The following KCNH5 variants were observed in gnomAD, a reference collection of about 807,000 sequenced individuals.
The protein encoded by KCNH5 is potassium voltage-gated channel subfamily H member 5.
A neutral mutation model predicts 96.1 loss-of-function variants in KCNH5; 46 were observed. The ratio of observed to expected loss-of-function variants is 0.48; its 90% CI spans 0.38 to 0.61. The LOEUF (loss-of-function observed/expected upper bound fraction) is 0.61. Among genes scored for constraint, KCNH5 ranks in the 20% least tolerant of loss-of-function variants. KCNH5 has a pLI of 0.00. For synonymous variants in KCNH5, 439 were observed against 449.8 expected (o/e 0.98, Z 0.30); for missense variants, 907 against 1,225.8 (o/e 0.74, Z 3.88).
intron 9 of KCNH5, among the ~76,000 whole-genome samples, chr14:62,798,519 C>T (rs184907990): frequency 6.6e-5 from 10 of 151,992 alleles, no homozygotes; most frequent in African/African-American, 2.4e-4. Flanking sequence ...GTATGCATCA[C>T]GAACTTAATT....
chr14:63,003,483 T>TTATATATATTA, intron 3 of KCNH5, among the ~76,000 whole-genome samples: 1 of 127,036 alleles, frequency 7.9e-6, no homozygotes, highest in Admixed American at 9.0e-5. Context: ...TATATATATT[T>TTATATATATTA]TATATATATT....
intron 7 of KCNH5, among the ~76,000 whole-genome samples, chr14:62,890,804 T>C (rs960083023): frequency 2.0e-5 from 3 of 151,720 alleles, no homozygotes; most frequent in African/African-American, 7.3e-5. Context: ...TCAGTATCAC[T>C]GATCATTAGA....
At chr14:63,038,314 A>G (rs962336987) in intron 1 of KCNH5, among the ~76,000 whole-genome samples, 7 of 152,170 alleles carry the variant, frequency 4.6e-5, no homozygotes, top group Non-Finnish European at 1.5e-5. Flanking sequence ...TCTTTTTAAG[A>G]TATGACCCAT....
intron 2 of KCNH5, among the ~76,000 whole-genome samples, chr14:63,009,273 G>A (rs1366334913): frequency 1.3e-5 from 2 of 151,994 alleles, no homozygotes; most frequent in Non-Finnish European, 2.9e-5. Context: ...TAACACCAAC[G>A]AAGAAAAAAT....
intron 7 of KCNH5, among the ~76,000 whole-genome samples, chr14:62,852,840 T>G (rs1595655473): frequency 6.6e-6 from 1 of 152,148 alleles, no homozygotes; most frequent in South Asian, 2.1e-4. Context: ...GGGCACATCT[T>G]TAATGAGAGA....
At chr14:62,933,138 G>C (rs1889611935) in intron 7 of KCNH5, among the ~76,000 whole-genome samples, 1 of 152,104 alleles carries the variant, frequency 6.6e-6, no homozygotes, top group Admixed American at 6.6e-5. Flanking sequence ...CTCAAAGAAA[G>C]AGCCCTCCAG....
intron 9 of KCNH5, among the ~76,000 whole-genome samples, chr14:62,799,726 T>TATATATATATATATACACAC (rs1213484157): frequency 1.5e-5 from 1 of 68,664 alleles, no homozygotes; most frequent in African/African-American, 5.0e-5. Context: ...TATATATATA[T>TATATATATATATATACACAC]ACACACACAC....
chr14:62,884,723 A>C (rs1465451113), intron 7 of KCNH5, among the ~76,000 whole-genome samples: 1 of 152,258 alleles, frequency 6.6e-6, no homozygotes, highest in Non-Finnish European at 1.5e-5. Context: ...CTGTTAAAAA[A>C]AGAAGGCAAA....
chr14:62,725,925 A>C (rs756825136), intron 10 of KCNH5, among the ~76,000 whole-genome samples: 2 of 152,226 alleles, frequency 1.3e-5, no homozygotes, highest in Non-Finnish European at 2.9e-5. Context: ...ACAGTAATTG[A>C]GATAGTGTGA....
At chr14:63,005,790 T>G (rs760420882) in intron 3 of KCNH5, among the ~76,000 whole-genome samples, 3 of 152,158 alleles carry the variant, frequency 2.0e-5, no homozygotes, top group African/African-American at 7.2e-5. Flanking sequence ...CCTTACCACA[T>G]ACAAATCTCA....
intron 7 of KCNH5, among the ~76,000 whole-genome samples, chr14:62,904,341 T>C (rs927134704): frequency 6.6e-6 from 1 of 152,226 alleles, no homozygotes; most frequent in African/African-American, 2.4e-5. Context: ...ACTACCTCAC[T>C]TGTATGCTAC....
chr14:62,827,033 A>T (rs1046959246), intron 8 of KCNH5, among the ~76,000 whole-genome samples: 1 of 152,178 alleles, frequency 6.6e-6, no homozygotes, highest in African/African-American at 2.4e-5. Flanking sequence ...AGGTGCCCAC[A>T]CTATATCTTC....
intron 7 of KCNH5, among the ~76,000 whole-genome samples, chr14:62,941,850 T>C (rs1015467078): frequency 2.0e-5 from 3 of 152,156 alleles, no homozygotes; most frequent in Admixed American, 2.0e-4. Context: ...TGTCTGGATA[T>C]CCACCTAGGT....
At chr14:62,847,048 C>T (rs1887712781) in intron 8 of KCNH5, among the ~76,000 whole-genome samples, 1 of 149,216 alleles carries the variant, frequency 6.7e-6, no homozygotes, top group South Asian at 2.1e-4. Context: ...GATCCGCCCA[C>T]CTCGGCCTCC....
intron 10 of KCNH5, among the ~76,000 whole-genome samples, chr14:62,721,079 C>A (rs914267430): frequency 1.3e-5 from 2 of 152,162 alleles, no homozygotes; most frequent in African/African-American, 4.8e-5. Flanking sequence ...CTTTATTATT[C>A]TCTTAGTCAG....
intron 10 of KCNH5, among the ~76,000 whole-genome samples, chr14:62,723,137 A>ATT (rs11358916): frequency 6.7e-6 from 1 of 148,312 alleles, no homozygotes; most frequent in East Asian, 2.0e-4. Flanking sequence ...ATCTTTAAAG[A>ATT]TTTTTTTTTT....
chr14:62,871,372 T>C (rs1020965009), intron 7 of KCNH5, among the ~76,000 whole-genome samples: 20 of 152,174 alleles, frequency 1.3e-4, no homozygotes, highest in Admixed American at 5.9e-4. Context: ...GAGGAGCAAT[T>C]TCCAAGTACT....
intron 4 of KCNH5, among the ~76,000 whole-genome samples, chr14:62,988,259 A>G (rs1890746953): frequency 6.6e-6 from 1 of 152,086 alleles, no homozygotes; most frequent in Non-Finnish European, 1.5e-5. Flanking sequence ...TATTAACACT[A>G]TCTGATAACT....
chr14:62,962,930 C>T (rs1348146527), intron 6 of KCNH5, among the ~76,000 whole-genome samples: 2 of 152,146 alleles, frequency 1.3e-5, no homozygotes. Context: ...CTGCTCCTGA[C>T]ATTCAACCAT....
Sources: allele counts gnomAD v4.1 joint callset (sites outside exome capture counted in the v4.1 genomes callset), GRCh38; gene constraint gnomAD v4.1.1; transcripts MANE v1.5; gene names NCBI Gene and HGNC (gene_info 2026-07-23, HGNC 2026-07-21).